The following MIPOL1 variants were observed in gnomAD, a reference collection of about 807,000 sequenced individuals.
The protein encoded by MIPOL1 is mirror-image polydactyly gene 1 protein.
MIPOL1 carries 57 observed loss-of-function variants against 60.9 expected under a neutral mutation model. That is an observed-to-expected ratio of 0.94 (90% CI 0.76 to 1.17). MIPOL1 has a LOEUF of 1.17. Among genes scored for constraint, MIPOL1 ranks in the 50% most tolerant of loss-of-function variants. The probability of loss-of-function intolerance (pLI) is 0.00; values close to 1 mark genes in which losing one functional copy is unlikely to be tolerated. For synonymous variants in MIPOL1, 179 were observed against 168.8 expected (o/e 1.06, Z -0.47); for missense variants, 551 against 511.6 (o/e 1.08, Z -0.74).
At chr14:37,393,715 A>G (rs1435601978) in intron 10 of MIPOL1, among the ~76,000 whole-genome samples, 3 of 151,248 alleles carry the variant, frequency 2.0e-5, no homozygotes, top group Non-Finnish European at 4.4e-5. Context: ...TAATTTTTCC[A>G]TAGGTTTTTG....
rs575468299 is a variant in MIPOL1, at chr14:37,504,790, C to A, written c.1262+4652C>A. ...CTGAAGAAGATGGAGACGCAAAAAA[C>A]CCTTCAAAAAATCAATGAATCCAGG... is the stretch of plus-strand genomic sequence containing the variant. On this transcript the variant is annotated intron_variant, in intron 12 of 12. Coordinates refer to ENST00000684589, the MANE Select transcript of MIPOL1 (RefSeq NM_001388067.1). 3.3e-5 allele frequency: 5 copies of A among 152,112 alleles called. No homozygotes were observed. In the South Asian group the frequency reaches 8.3e-4, roughly 25 times the overall value. 9.4% of individuals were successfully genotyped at this position (152,112 alleles called of 1,614,324 possible).
chr14:37,308,238 A>G (rs772351961), intron 8 of MIPOL1, 111 bp from the exon 9 acceptor site: 27 of 1,202,162 alleles, frequency 2.2e-5, no homozygotes, highest in East Asian at 2.5e-5. Context: ...TGAAAATTCA[A>G]TAACTTCACT....
At chr14:37,269,461 G>A (rs1251391346) in intron 5 of MIPOL1, among the ~76,000 whole-genome samples, 1 of 151,756 alleles carries the variant, frequency 6.6e-6, no homozygotes, top group African/African-American at 2.4e-5. Flanking sequence ...GAAGCATGAT[G>A]TTAGGAATGT....
intron 10 of MIPOL1, among the ~76,000 whole-genome samples, chr14:37,375,999 G>A (rs2092767063): frequency 6.6e-6 from 1 of 152,054 alleles, no homozygotes; most frequent in South Asian, 2.1e-4. Flanking sequence ...CTCTGGGTTA[G>A]TTATTTCCTT....
Position 37,308,481 on chromosome 14 carries a change from A to G in MIPOL1, c.790A>G (p.Ser264Gly), listed in dbSNP as rs2086981437. The change falls in exon 9 of 13, where the codon AGT becomes GGT. Residue 264 changes from serine (S) to glycine (G), a missense_variant. Ser to Gly is a moderately conservative substitution (Grantham distance 56, BLOSUM62 0). Coordinates refer to ENST00000684589, the MANE Select transcript of MIPOL1 (RefSeq NM_001388067.1). ...AATGAGAATAACTGCAGAAGAAATG[A>G]GTGCACTAATAGAAGAACGGGATGC... is the stretch of plus-strand genomic sequence containing the variant. ...CKMRITAEEMSALIEERDAAL... is the reference protein window; with the variant it reads ...CKMRITAEEMGALIEERDAAL... The G allele has an allele frequency of 6.3e-7, 1 of 1,599,026 alleles. No homozygotes were observed. Among genetic ancestry groups the G allele is most frequent in the Non-Finnish European group, 8.5e-7 (1 of 1,174,486 alleles).
At chr14:37,485,103 CT>C (rs566213295) in intron 11 of MIPOL1, among the ~76,000 whole-genome samples, 1 of 152,120 alleles carries the variant, frequency 6.6e-6, no homozygotes, top group Non-Finnish European at 1.5e-5. Flanking sequence ...GTTTGGTTTT[CT>C]GTTCTTGTGT....
At chr14:37,450,425 T>C (rs955738741) in intron 11 of MIPOL1, among the ~76,000 whole-genome samples, 3 of 152,208 alleles carry the variant, frequency 2.0e-5, no homozygotes, top group African/African-American at 7.2e-5. Flanking sequence ...TTCAAAACTT[T>C]TAAGATGTTA....
chr14:37,344,887 G>A (rs777595999), intron 9 of MIPOL1, among the ~76,000 whole-genome samples: 27 of 151,702 alleles, frequency 1.8e-4, no homozygotes, highest in Non-Finnish European at 3.2e-4. Flanking sequence ...AAAAATACCC[G>A]GGCATGGCGG....
At chr14:37,401,205 G>A (rs2153529973) in intron 10 of MIPOL1, 1 of 152,158 alleles carries the variant, frequency 6.6e-6, no homozygotes, top group East Asian at 1.9e-4. Flanking sequence ...GGAAAATGGA[G>A]TAAGTGCAGG....
chr14:37,389,271 C>T (rs565534899), intron 10 of MIPOL1, among the ~76,000 whole-genome samples: 11 of 152,104 alleles, frequency 7.2e-5, no homozygotes, highest in African/African-American at 1.9e-4. Flanking sequence ...AATAATATGT[C>T]TTCTTCATAA....
intron 1 of MIPOL1, among the ~76,000 whole-genome samples, chr14:37,238,393 C>A (rs1393389697): frequency 6.6e-6 from 1 of 152,120 alleles, no homozygotes; most frequent in Non-Finnish European, 1.5e-5. Context: ...AGCTCCCATT[C>A]TCACCCCAGG....
intron 3 of MIPOL1, among the ~76,000 whole-genome samples, chr14:37,259,280 G>A (rs979985399): frequency 6.6e-5 from 10 of 152,004 alleles, no homozygotes; most frequent in Admixed American, 3.3e-4. Context: ...TATGCACTGG[G>A]GACAGTGGCT....
At chr14:37,257,943 C>G (rs1192133239) in intron 3 of MIPOL1, among the ~76,000 whole-genome samples, 1 of 152,122 alleles carries the variant, frequency 6.6e-6, no homozygotes, top group Admixed American at 6.6e-5. Context: ...CCTCCCTGAT[C>G]TTCTCCAGTT....
Position 37,415,628 on chromosome 14 carries a change from C to CAAAAA in MIPOL1, c.937-7214_937-7210dup, listed in dbSNP as rs11377270. On this transcript the variant is annotated intron_variant, in intron 10 of 12. Coordinates refer to ENST00000684589, the MANE Select transcript of MIPOL1 (RefSeq NM_001388067.1). ...TGGGCGACAGAGCGAGACTCTGTCT[C>CAAAAA]AAAAAAAAAAAAAAAAATTAGCACA... 4.1e-4 allele frequency among the ~76,000 whole-genome samples: 52 copies of CAAAAA among 126,588 alleles called. 2 individuals carry two copies. Among genetic ancestry groups the CAAAAA allele is most frequent in the Non-Finnish European group, 6.9e-4 (42 of 61,256 alleles). 83.0% of individuals were successfully genotyped at this position (126,588 alleles called of 152,430 possible).
intron 9 of MIPOL1, among the ~76,000 whole-genome samples, chr14:37,330,031 T>TAA (rs3062671): frequency 0.97 from 147,642 of 152,152 alleles, 71,697 homozygotes; most frequent in East Asian, 1. Flanking sequence ...GCCAGAGAAG[T>TAA]AGTCATCATC....
chr14:37,509,955 G>C (rs2153622260), intron 12 of MIPOL1, among the ~76,000 whole-genome samples: 1 of 151,412 alleles, frequency 6.6e-6, no homozygotes, highest in East Asian at 2.0e-4. Context: ...AATTCAACCT[G>C]AAAACTATAT....
chr14:37,333,549 G>A lies in MIPOL1; in HGVS notation c.828+25030G>A, dbSNP rs113294068. ...GACACAGATAAGCTGAAAGTGAAAC[G>A]TGGAAATATATAATATGTGAGCTAT... is the stretch of plus-strand genomic sequence containing the variant. On this transcript the variant is annotated intron_variant, in intron 9 of 12. Transcript: ENST00000684589. Among the ~76,000 whole-genome samples the A allele has an allele frequency of 1.2e-4, 17 of 143,022 alleles. 1 individual carries two copies. Among genetic ancestry groups the A allele is most frequent in the African/African-American group, 1.7e-4 (7 of 40,790 alleles). 93.8% of individuals were successfully genotyped at this position (143,022 alleles called of 152,430 possible). A position where few individuals can be genotyped will look rare whatever the true frequency, so the allele number is the denominator to read the frequency against.
chr14:37,410,812 A>G (rs1056225759), intron 10 of MIPOL1, among the ~76,000 whole-genome samples: 11 of 152,170 alleles, frequency 7.2e-5, no homozygotes, highest in Non-Finnish European at 1.5e-4. Context: ...CGTTAAAAGA[A>G]TAGAAAATGA....
intron 1 of MIPOL1, among the ~76,000 whole-genome samples, chr14:37,245,033 G>GA (rs1320650717): frequency 6.6e-6 from 1 of 152,028 alleles, no homozygotes; most frequent in Non-Finnish European, 1.5e-5. Flanking sequence ...TAAAGAGTTG[G>GA]AAAAATGAGA....
Sources: allele counts gnomAD v4.1 joint callset (sites outside exome capture counted in the v4.1 genomes callset), GRCh38; gene constraint gnomAD v4.1.1; transcripts MANE v1.5; gene names NCBI Gene and HGNC (gene_info 2026-07-23, HGNC 2026-07-21).